The following NAV3 variants were observed in gnomAD, a reference collection of about 807,000 sequenced individuals.
NAV3 encodes neuron navigator 3.
NAV3 carries 87 observed loss-of-function variants against 244.7 expected under a neutral mutation model. That is an observed-to-expected ratio of 0.36 (90% CI 0.30 to 0.42). NAV3 has a LOEUF of 0.42. Among genes scored for constraint, NAV3 ranks in the 20% least tolerant of loss-of-function variants. NAV3 has a pLI of 1.00. For missense variants in NAV3, 2,663 were observed against 2,893.3 expected (o/e 0.92, Z 1.83); for synonymous variants, 1,126 against 1,042.2 (o/e 1.08, Z -1.55).
intron 8 of NAV3, 122 bp downstream of exon 8, chr12:78,007,567 C>T: frequency 1.8e-6 from 2 of 1,090,440 alleles, no homozygotes; most frequent in South Asian, 3.5e-5. Flanking sequence ...AAGTTTCATG[C>T]TAAAGATAGA....
In NAV3 at chr12:77,690,521, T is replaced by G. The variant is rs150274454; in HGVS notation, c.72+118255T>G. ...TCTAACACTTAATATTTTTACTTCT[T>G]CTTACTGTCAAAGGCATATTTATCC... On this transcript the variant is annotated intron_variant, in intron 2 of 8. Transcript: ENST00000550042. Among the ~76,000 whole-genome samples, 1,129 of 151,626 alleles carry G rather than the reference T, an allele frequency of 7.4e-3. 19 individuals are homozygous for G. Among genetic ancestry groups the G allele is most frequent in the African/African-American group, 0.026 (1,061 of 41,490 alleles).
chr12:77,619,532 CT>C (rs1289742998), intron 2 of NAV3, among the ~76,000 whole-genome samples: 2 of 152,180 alleles, frequency 1.3e-5, no homozygotes, highest in Non-Finnish European at 2.9e-5. Context: ...TGTCTTTGAG[CT>C]TTGATTGCAG....
intron 2 of NAV3, among the ~76,000 whole-genome samples, chr12:77,780,256 C>G (rs1870597601): frequency 6.6e-6 from 1 of 152,094 alleles, no homozygotes; most frequent in South Asian, 2.1e-4. Context: ...ACAAGTGGAG[C>G]ACTTTTGTAC....
intron 20 of NAV3, among the ~76,000 whole-genome samples, chr12:78,145,732 C>T (rs541170791): frequency 1.3e-5 from 2 of 152,114 alleles, no homozygotes; most frequent in African/African-American, 4.8e-5. Context: ...TTGCCAGACA[C>T]TTTTATCACT....
At chr12:77,697,656 G>A (rs773729234) in intron 2 of NAV3, among the ~76,000 whole-genome samples, 31 of 152,026 alleles carry the variant, frequency 2.0e-4, no homozygotes, top group Non-Finnish European at 5.9e-5. Context: ...TAAGATTTTA[G>A]TAAGTGGTTA....
chr12:77,658,182 A>G (rs1439166022), intron 2 of NAV3, among the ~76,000 whole-genome samples: 1 of 152,174 alleles, frequency 6.6e-6, no homozygotes, highest in South Asian at 2.1e-4. Flanking sequence ...CTGTTTGCAG[A>G]CGACATGATT....
intron 5 of NAV3, among the ~76,000 whole-genome samples, chr12:77,977,926 T>C (rs569669828): frequency 0.021 from 175 of 8,472 alleles, no homozygotes; most frequent in Admixed American, 0.055. Context: ...AAAGGATCAC[T>C]GTATGCCAGT....
chr12:77,593,517 T>G (rs570420628), intron 2 of NAV3, among the ~76,000 whole-genome samples: 8 of 151,380 alleles, frequency 5.3e-5, no homozygotes, highest in Middle Eastern at 3.4e-3. Context: ...TGGCGCGATC[T>G]CGGCTCACTG....
chr12:78,048,527 C>G (rs921759101), intron 9 of NAV3, among the ~76,000 whole-genome samples: 1 of 152,160 alleles, frequency 6.6e-6, no homozygotes, highest in African/African-American at 2.4e-5. Flanking sequence ...ATCCTATTTG[C>G]CTGGGTGTCA....
At chr12:78,173,465 C>T (rs917207974) in intron 24 of NAV3, among the ~76,000 whole-genome samples, 1 of 151,596 alleles carries the variant, frequency 6.6e-6, no homozygotes, top group African/African-American at 2.4e-5. Flanking sequence ...TAGGAACGAG[C>T]TAGCAAATGC....
At chr12:77,791,476 A>G (rs1241914922) in intron 2 of NAV3, among the ~76,000 whole-genome samples, 4 of 152,158 alleles carry the variant, frequency 2.6e-5, no homozygotes, top group Non-Finnish European at 5.9e-5. Context: ...AAGACCCGTG[A>G]TAAGATCCAA....
At chr12:77,963,295 A>C (rs1892190301) in intron 3 of NAV3, among the ~76,000 whole-genome samples, 1 of 152,148 alleles carries the variant, frequency 6.6e-6, no homozygotes, top group South Asian at 2.1e-4. Context: ...TAAAATTCTT[A>C]ACCAGAGAAT....
chr12:77,838,405 A>T (rs909582955), intron 1 of NAV3, among the ~76,000 whole-genome samples: 2 of 152,178 alleles, frequency 1.3e-5, no homozygotes, highest in African/African-American at 4.8e-5. Flanking sequence ...TTAAAGGCTT[A>T]TATTTCATGC....
chr12:77,775,321 G>A (rs1464087859), intron 2 of NAV3, among the ~76,000 whole-genome samples: 1 of 151,626 alleles, frequency 6.6e-6, no homozygotes, highest in Non-Finnish European at 1.5e-5. Context: ...GAACCTGGAG[G>A]CGGAGGTTTG....
At chr12:78,034,211 T>C (rs1321139854) in intron 9 of NAV3, among the ~76,000 whole-genome samples, 2 of 152,210 alleles carry the variant, frequency 1.3e-5, no homozygotes, top group Non-Finnish European at 2.9e-5. Context: ...CACTGGCCAC[T>C]TCCCCTTAGA....
intron 5 of NAV3, among the ~76,000 whole-genome samples, chr12:77,970,416 T>C (rs1195396194): frequency 6.6e-6 from 1 of 152,162 alleles, no homozygotes; most frequent in Non-Finnish European, 1.5e-5. Flanking sequence ...CCAACCCTCA[T>C]ATGGATTTTG....
chr12:77,979,917 G>T (rs1869256280), intron 5 of NAV3, among the ~76,000 whole-genome samples: 1 of 152,032 alleles, frequency 6.6e-6, no homozygotes, highest in Non-Finnish European at 1.5e-5. Context: ...CTTTAACTGG[G>T]TGCTGCAGCT....
At chr12:77,668,483 C>A (rs974036304) in intron 2 of NAV3, among the ~76,000 whole-genome samples, 2 of 151,930 alleles carry the variant, frequency 1.3e-5, no homozygotes. Context: ...TAGAGAAATG[C>A]AAAATGCACT....
chr12:77,690,535 G>A (rs1874957158), intron 2 of NAV3, among the ~76,000 whole-genome samples: 1 of 151,198 alleles, frequency 6.6e-6, no homozygotes, highest in African/African-American at 2.4e-5. Flanking sequence ...ACTGTCAAAG[G>A]CATATTTATC....
Sources: allele counts gnomAD v4.1 joint callset (sites outside exome capture counted in the v4.1 genomes callset), GRCh38; gene constraint gnomAD v4.1.1; transcripts MANE v1.5; gene names NCBI Gene and HGNC (gene_info 2026-07-23, HGNC 2026-07-21).